Variants in P4HA1 observed in about 807,000 individuals in gnomAD.
P4HA1 encodes the protein prolyl 4-hydroxylase subunit alpha-1.
Under a neutral mutation model 72.8 loss-of-function variants are expected in P4HA1, and 24 were observed. The ratio of observed to expected loss-of-function variants is 0.33; its 90% CI spans 0.24 to 0.46. The LOEUF is 0.46. Ranked by LOEUF, P4HA1 falls within the 20% of genes least tolerant of loss-of-function variation. The pLI is 1.00. For synonymous variants in P4HA1, 201 were observed against 218.8 expected (o/e 0.92, Z 0.72); for missense variants, 446 against 640.6 (o/e 0.70, Z 3.28).
chr10:73,052,709 T>C lies in P4HA1; in HGVS notation c.703+642A>G, dbSNP rs978468057. ...ATATTTTCCTATTTTGTAAAAATAA[T>C]TTTTAAAGTTTTAAAGCTTCGTTAT... On this transcript the variant is annotated intron_variant, in intron 6 of 14. Transcript: ENST00000394890. Among the ~76,000 whole-genome samples the C allele has an allele frequency of 3.9e-5, 6 of 152,194 alleles. No homozygotes were observed. The South Asian group carries it at 8.3e-4, about 21-fold the overall frequency.
rs1564631461 is a variant in P4HA1 at position 73,059,423 on chromosome 10, T to TAAAAAA, written c.464-5834_464-5833insTTTTTT. ...CGGGCAAAATAATGAGACAATATATTTAAAAAAAAAAAAAAAAAAAAAAAA... is the reference window on the plus strand; with the variant it reads ...CGGGCAAAATAATGAGACAATATATTAAAAAATAAAAAAAAAAAAAAAAAAAAAAAA... On this transcript the variant is annotated intron_variant, in intron 5 of 14. Transcript: ENST00000394890. Among the ~76,000 whole-genome samples, 6 of 47,584 alleles carry TAAAAAA rather than the reference T, an allele frequency of 1.3e-4. 2 individuals are homozygous for TAAAAAA. Among genetic ancestry groups the TAAAAAA allele is most frequent in the African/African-American group, 4.5e-4 (5 of 11,104 alleles). The allele number at this position is 47,584 out of a possible 152,430, so 31.2% of individuals were successfully genotyped here. A position where few individuals can be genotyped will look rare whatever the true frequency, so the allele number is the denominator to read the frequency against.
chr10:73,083,580 A>C (rs11000515), intron 1 of P4HA1, among the ~76,000 whole-genome samples: 1,619 of 152,198 alleles, frequency 0.011, 27 homozygotes, highest in African/African-American at 0.032. Flanking sequence ...AAAAACACAC[A>C]CTTATGTTTT....
At position 73,015,592 on chromosome 10, in the gene P4HA1, C is replaced by T. The variant is rs112323649; in HGVS notation, c.1302+1254G>A. Among the ~76,000 whole-genome samples the T allele has an allele frequency of 9.7e-4, 148 of 152,322 alleles. 1 individual carries two copies. The highest frequency in any genetic ancestry group is 2.0e-3 in the Non-Finnish European group (133 of 68,026). On this transcript the variant is annotated intron_variant, in intron 11 of 14. Coordinates refer to ENST00000394890, the MANE Select transcript of P4HA1 (RefSeq NM_001017962.3). Reference sequence around the variant, plus strand: ...CAAGAGATTTATTTTCAAACCCATTCTTTCTTTACTGAAGGTGTAATCCTT... The same window carrying T: ...CAAGAGATTTATTTTCAAACCCATTTTTTCTTTACTGAAGGTGTAATCCTT...
At chr10:73,073,028 G>A (rs879566635) in intron 3 of P4HA1, among the ~76,000 whole-genome samples, 3 of 151,718 alleles carry the variant, frequency 2.0e-5, no homozygotes, top group Non-Finnish European at 4.4e-5. Context: ...AAATTACCCG[G>A]GCATGGTGGC....
intron 9 of P4HA1, 24 bp downstream of exon 9, chr10:73,044,957 A>T: frequency 1.3e-6 from 2 of 1,586,626 alleles, no homozygotes; most frequent in Non-Finnish European, 1.7e-6. Context: ...AGAGGGCAAA[A>T]TATGCAGCAT....
At position 73,053,096 on chromosome 10, in the gene P4HA1, G is replaced by A. The variant is rs1364271349; in HGVS notation, c.703+255C>T. ...AAACAAACATTTTTGACTTAGTTAC[G>A]TTAGCTTCAATTTTGAAATTCCTGG... On this transcript the variant is annotated intron_variant, in intron 6 of 14. Transcript: ENST00000394890. 3.3e-5 allele frequency among the ~76,000 whole-genome samples: 5 copies of A among 152,110 alleles called. No homozygotes were observed. In the East Asian group the frequency reaches 5.8e-4, roughly 18 times the overall value.
chr10:73,081,725 T>C (rs1414786134), intron 1 of P4HA1, among the ~76,000 whole-genome samples: 5 of 152,182 alleles, frequency 3.3e-5, no homozygotes, highest in African/African-American at 1.2e-4. Context: ...GCAAAAGTGA[T>C]ATGCCATTCA....
At chr10:73,088,544 T>C (rs180977023) in intron 1 of P4HA1, among the ~76,000 whole-genome samples, 3 of 152,354 alleles carry the variant, frequency 2.0e-5, no homozygotes, top group African/African-American at 7.2e-5. Context: ...TGCTTCATCC[T>C]GGACTAAACC....
intron 8 of P4HA1, 78 bp from the exon 9 acceptor site, chr10:73,045,129 A>G: frequency 1.6e-6 from 2 of 1,221,050 alleles, no homozygotes; most frequent in East Asian, 2.3e-5. Flanking sequence ...TCAGAATTCC[A>G]GGGTTTTTAC....
chr10:73,028,358 T>A (rs1840345348), intron 10 of P4HA1, among the ~76,000 whole-genome samples: 1 of 150,448 alleles, frequency 6.6e-6, no homozygotes, highest in Non-Finnish European at 1.5e-5. Flanking sequence ...AATACATTTT[T>A]AAAACTTAAT....
rs1428216412 is a variant in P4HA1 at position 73,038,851 on chromosome 10, C to G, written c.1148+6130G>C. 6.3e-5 allele frequency among the ~76,000 whole-genome samples: 7 copies of G among 110,734 alleles called. 2 individuals are homozygous for G. The highest frequency in any genetic ancestry group is 3.8e-4 in the African/African-American group (7 of 18,310). 72.6% of individuals were successfully genotyped at this position (110,734 alleles called of 152,430 possible). A position where few individuals can be genotyped will look rare whatever the true frequency, so the allele number is the denominator to read the frequency against. ...CCGTTTTAGCCGGGATGGTCTCGAT[C>G]TCCTGACCTCGTGATCCGCCCGCCT... On this transcript the variant is annotated intron_variant, in intron 9 of 14. Coordinates refer to ENST00000394890, the MANE Select transcript of P4HA1 (RefSeq NM_001017962.3).
At chr10:73,053,686 T>A in intron 5 of P4HA1, 96 bp from the exon 6 acceptor site, 2 of 1,093,200 alleles carry the variant, frequency 1.8e-6, no homozygotes, top group Non-Finnish European at 2.6e-6. Flanking sequence ...TCACTTCTAT[T>A]TGAAGTTCAC....
In P4HA1 at chr10:73,087,325, G is replaced by A. The variant is rs566447407; in HGVS notation, c.-33+9441C>T. Reference sequence around the variant, plus strand: ...ACTCTGTCGCCCAGGCTGGAATGCAGTGGCACAATCTTGTCTCACTGCAAC... The same window carrying A: ...ACTCTGTCGCCCAGGCTGGAATGCAATGGCACAATCTTGTCTCACTGCAAC... On this transcript the variant is annotated intron_variant, in intron 1 of 14. Transcript: ENST00000394890. Among the ~76,000 whole-genome samples the A allele has an allele frequency of 1.8e-4, 27 of 147,748 alleles. No individual in the cohort carries two copies. In the Admixed American group the frequency reaches 1.9e-3, roughly 10 times the overall value.
In P4HA1 at chr10:73,090,923, G is replaced by A. The variant is rs1038539291; in HGVS notation, c.-33+5843C>T. On this transcript the variant is annotated intron_variant, in intron 1 of 14. Coordinates refer to ENST00000394890, the MANE Select transcript of P4HA1 (RefSeq NM_001017962.3). ...TAAAAATACAAAAAAGTAGTCGGGC[G>A]TGGTGGCGGGTGCCTGTAATCCCAG... Among the ~76,000 whole-genome samples the A allele has an allele frequency of 8.6e-5, 13 of 151,608 alleles. No individual in the cohort carries two copies. The East Asian group carries it at 9.7e-4, about 11-fold the overall frequency.
chr10:73,091,542 AAG>A (rs1465442317), intron 1 of P4HA1, among the ~76,000 whole-genome samples: 32 of 152,242 alleles, frequency 2.1e-4, no homozygotes, highest in African/African-American at 7.5e-4. Context: ...TTAGAACTGT[AAG>A]AGAAGTCTTG....
intron 1 of P4HA1, among the ~76,000 whole-genome samples, chr10:73,086,833 C>T (rs1841932465): frequency 1.4e-5 from 2 of 146,180 alleles, no homozygotes; most frequent in South Asian, 4.4e-4. Context: ...ACTTGGGAGG[C>T]TGAGGCAGGA....
intron 7 of P4HA1, among the ~76,000 whole-genome samples, chr10:73,048,598 A>G (rs1186798325): frequency 6.6e-6 from 1 of 151,880 alleles, no homozygotes; most frequent in African/African-American, 2.4e-5. Context: ...AAAGTTGAGT[A>G]TGTGTTACAT....
chr10:73,058,932 C>A (rs546763841), intron 5 of P4HA1, among the ~76,000 whole-genome samples: 1 of 152,098 alleles, frequency 6.6e-6, no homozygotes, highest in South Asian at 2.1e-4. Flanking sequence ...TGCCCACCAC[C>A]ACGCTCAGCT....
intron 2 of P4HA1, chr10:73,074,083 A>G: frequency 2.6e-6 from 1 of 384,912 alleles, no homozygotes; most frequent in East Asian, 5.4e-5. Flanking sequence ...TTGTCTTTAT[A>G]TCTACAAATG....
Sources: allele counts gnomAD v4.1 joint callset (sites outside exome capture counted in the v4.1 genomes callset), GRCh38; gene constraint gnomAD v4.1.1; transcripts MANE v1.5; gene names NCBI Gene and HGNC (gene_info 2026-07-23, HGNC 2026-07-21).